The following RPL13A variants were observed in gnomAD, a reference collection of about 807,000 sequenced individuals.
The protein encoded by RPL13A is ribosomal protein L13a, also known as large ribosomal subunit protein uL13.
In RPL13A, 4 loss-of-function variants were observed where a neutral mutation model predicts 30.8. The ratio of observed to expected loss-of-function variants is 0.13; its 90% confidence interval spans 0.06 to 0.30. The LOEUF (loss-of-function observed/expected upper bound fraction) is 0.30, where lower values mean the gene tolerates loss of function less well. Among genes scored for constraint, RPL13A ranks in the 10% least tolerant of loss-of-function variants. The pLI, the probability that RPL13A is intolerant of heterozygous loss-of-function variation, is 1.00. For synonymous variants in RPL13A, 108 were observed against 104.2 expected (o/e 1.04, Z -0.22); for missense variants, 196 against 272.6 (o/e 0.72, Z 1.98).
chr19:49,492,139 G>GC lies in RPL13A; in HGVS notation c.*325dup. On this transcript the variant is annotated 3_prime_UTR_variant, in exon 8 of 8. Coordinates refer to ENST00000391857, the MANE Select transcript of RPL13A (RefSeq NM_012423.4). ...GACTTTCCACCTGGTCATATACTCT[G>GC]CAGCTGTTAGAATGTGCAAGCACTT... 3.4e-6 allele frequency: 1 copy of GC among 292,836 alleles called. No homozygotes were observed. The highest frequency in any genetic ancestry group is 4.0e-5 in the South Asian group (1 of 24,992). 18.1% of individuals were successfully genotyped at this position (292,836 alleles called of 1,614,324 possible).
At position 49,492,214 on chromosome 19, in the gene RPL13A, A is replaced by G; in HGVS notation, c.*399A>G. 5.7e-6 allele frequency: 1 copy of G among 176,132 alleles called. No individual in the cohort carries two copies. The highest frequency in any genetic ancestry group is 1.2e-5 in the Non-Finnish European group (1 of 81,646). The allele number at this position is 176,132 out of a possible 1,614,324, so 10.9% of individuals were successfully genotyped here. On this transcript the variant is annotated 3_prime_UTR_variant, in exon 8 of 8. Transcript: ENST00000391857. ...TACACAGGGTATTTCTAGAAGCAGA[A>G]ATAGACTGGGAAGATGCACAACCAA...
In RPL13A at chr19:49,490,581, G is replaced by A; in HGVS notation, c.256+5G>A. On this transcript the variant is annotated splice_donor_5th_base_variant and intron_variant, in intron 4 of 7. Transcript: ENST00000391857. ...TCTTCTGGCGGACCGTGCGAGGTGA[G>A]CAGAGCGTGGGGACTGCAGGTGGTG... 1.9e-6 allele frequency: 3 copies of A among 1,614,072 alleles called. No individual in the cohort carries two copies. The highest frequency in any genetic ancestry group is 2.5e-6 in the Non-Finnish European group (3 of 1,179,920).
Position 49,491,421 on chromosome 19 carries a change from G to GA in RPL13A, c.403-4_403-3insA. On this transcript the variant is annotated splice_polypyrimidine_tract_variant and splice_region_variant and intron_variant, in intron 6 of 7. Transcript: ENST00000391857. ...TTGTTCACCCCCCCCCCCCCCCCCC[G>GA]CAGTTTGCCTATCTGGGGCGCCTGG... The GA allele has an allele frequency of 5.5e-6, 1 of 183,104 alleles. No individual in the cohort carries two copies. Among genetic ancestry groups the GA allele is most frequent in the Non-Finnish European group, 8.0e-6 (1 of 124,350 alleles). The allele number at this position is 183,104 out of a possible 1,614,324, so 11.3% of individuals were successfully genotyped here.
At chr19:49,487,680 C>G in intron 1 of RPL13A, 36 bp downstream of exon 1, 1 of 1,503,714 alleles carries the variant, frequency 6.7e-7, no homozygotes, top group East Asian at 2.6e-5. Context: ...GGCAAGGGGC[C>G]GGGTGGGATC....
chr19:49,490,406 G>T, intron 3 of RPL13A, 69 bp from the exon 4 acceptor site: 1 of 1,592,386 alleles, frequency 6.3e-7, no homozygotes, highest in Non-Finnish European at 8.6e-7. Flanking sequence ...TTTCTGAGAA[G>T]GCCCTTGGAA....
rs1383784108 is a variant in RPL13A, at chr19:49,491,872, C to G, written c.*57C>G. 1.4e-6 allele frequency: 2 copies of G among 1,400,962 alleles called. No individual in the cohort carries two copies. The highest frequency in any genetic ancestry group is 9.9e-7 in the Non-Finnish European group (1 of 1,012,652). 86.8% of individuals were successfully genotyped at this position (1,400,962 alleles called of 1,614,324 possible). On this transcript the variant is annotated 3_prime_UTR_variant, in exon 8 of 8. Transcript: ENST00000391857. ...TGCCTGCCCTTCCTCCATTGTTGCC[C>G]TGGAATGTACGGGACCCAGGGGCAG...
rs189135180 is a variant in RPL13A, at chr19:49,490,442, C to G, written c.155-33C>G. 25 of 1,606,734 alleles carry G rather than the reference C, an allele frequency of 1.6e-5. No homozygotes were observed. In the East Asian group the frequency reaches 5.6e-4, roughly 36 times the overall value. On this transcript the variant is annotated intron_variant, in intron 3 of 7. Transcript: ENST00000391857. ...GTGGGGTTTTGGGGGTGCTGGTAGA[C>G]TGGGCAGGCCTCACACTCTCCCCTC...
chr19:49,491,390 C>CCG, intron 6 of RPL13A, 35 bp from the exon 7 acceptor site: 2 of 732,008 alleles, frequency 2.7e-6, no homozygotes, highest in East Asian at 3.3e-5. Context: ...ATCCTTACAA[C>CCG]TTCATTTGTT....
Position 49,490,144 on chromosome 19 carries a change from G to T in RPL13A, c.89-88G>T, listed in dbSNP as rs534864956. On this transcript the variant is annotated intron_variant, in intron 2 of 7. Coordinates refer to ENST00000391857, the MANE Select transcript of RPL13A (RefSeq NM_012423.4). ...TTAAACAGGAACTTAGCTCTGGCAA[G>T]TACTGCGCTGTGTCTGGAGGGTGAC... is the stretch of plus-strand genomic sequence containing the variant. 1.3e-5 allele frequency: 17 copies of T among 1,295,522 alleles called. No individual in the cohort carries two copies. The African/African-American group carries it at 1.9e-4, about 14-fold the overall frequency. The allele number at this position is 1,295,522 out of a possible 1,614,324, so 80.3% of individuals were successfully genotyped here. A position where few individuals can be genotyped will look rare whatever the true frequency, so the allele number is the denominator to read the frequency against.
intron 4 of RPL13A, 31 bp from the exon 5 acceptor site, chr19:49,490,748 C>CT: frequency 6.2e-7 from 1 of 1,613,032 alleles, no homozygotes; most frequent in Non-Finnish European, 8.5e-7. Context: ...ATGAGGCCCT[C>CT]TGACTGGGCC....
intron 6 of RPL13A, 66 bp from the exon 7 acceptor site, chr19:49,491,359 T>A: frequency 7.0e-7 from 1 of 1,423,320 alleles, no homozygotes; most frequent in South Asian, 1.1e-5. Context: ...CTCCGGCTCT[T>A]CAGGGTGTGG....
At chr19:49,490,650 G>A (rs775139567) in intron 4 of RPL13A, 74 bp downstream of exon 4, 5 of 1,579,254 alleles carry the variant, frequency 3.2e-6, no homozygotes, top group Middle Eastern at 1.7e-4. Flanking sequence ...ACTCACATTC[G>A]AGTTTCCCGA....
chr19:49,492,004 T>C lies in RPL13A; in HGVS notation c.*189T>C. Reference sequence around the variant, plus strand: ...TTGCTTGAAAGCACTCGGAGAATTGTGCAGGTGTCATTTATCTATGACCAA... The same window carrying C: ...TTGCTTGAAAGCACTCGGAGAATTGCGCAGGTGTCATTTATCTATGACCAA... On this transcript the variant is annotated 3_prime_UTR_variant, in exon 8 of 8. Coordinates refer to ENST00000391857, the MANE Select transcript of RPL13A (RefSeq NM_012423.4). 1 of 577,682 alleles carries C rather than the reference T, an allele frequency of 1.7e-6. No homozygotes were observed. The highest frequency in any genetic ancestry group is 3.1e-6 in the Non-Finnish European group (1 of 321,838). 35.8% of individuals were successfully genotyped at this position (577,682 alleles called of 1,614,324 possible).
intron 2 of RPL13A, 54 bp downstream of exon 2, chr19:49,489,976 T>C: frequency 7.4e-7 from 1 of 1,359,854 alleles, no homozygotes; most frequent in Non-Finnish European, 1.1e-6. Flanking sequence ...AGGTCAGTGA[T>C]GAGCAACATT....
chr19:49,490,763 A>C lies in RPL13A; in HGVS notation c.257-16A>C, dbSNP rs202055342. On this transcript the variant is annotated splice_polypyrimidine_tract_variant and intron_variant, in intron 4 of 7. Coordinates refer to ENST00000391857, the MANE Select transcript of RPL13A (RefSeq NM_012423.4). ...ATGAGGCCCTCTGACTGGGCCTGCTATCTGTCACCCAACAGGTATGCTGCC... is the reference window on the plus strand; with the variant it reads ...ATGAGGCCCTCTGACTGGGCCTGCTCTCTGTCACCCAACAGGTATGCTGCC... 3.1e-6 allele frequency: 5 copies of C among 1,612,958 alleles called. No homozygotes were observed. The South Asian group carries it at 4.4e-5, about 14-fold the overall frequency.
chr19:49,491,251 A>T, intron 6 of RPL13A, 152 bp downstream of exon 6: 1 of 1,186,032 alleles, frequency 8.4e-7, no homozygotes, highest in Non-Finnish European at 1.2e-6. Context: ...GGCTTAGCTG[A>T]TGCCAGGAGG....
In RPL13A at chr19:49,487,624, C is replaced by T; in HGVS notation, c.-6C>T. ...AACCTCCTCCTTTTCCAAGCGGCTG[C>T]CGAAGATGGCGGAGGTGCAGGTATG... On this transcript the variant is annotated 5_prime_UTR_variant, in exon 1 of 8. Coordinates refer to ENST00000391857, the MANE Select transcript of RPL13A (RefSeq NM_012423.4). 1 of 1,575,614 alleles carries T rather than the reference C, an allele frequency of 6.3e-7. No individual in the cohort carries two copies. The highest frequency in any genetic ancestry group is 8.6e-7 in the Non-Finnish European group (1 of 1,161,712).
At chr19:49,489,553 G>A (rs962779280) in intron 1 of RPL13A, among the ~76,000 whole-genome samples, 4 of 152,152 alleles carry the variant, frequency 2.6e-5, no homozygotes, top group Non-Finnish European at 4.4e-5. Context: ...GCTGGTCTTC[G>A]TTCAAATCCA....
In RPL13A at chr19:49,490,015, A is replaced by G. The variant is rs575112940; in HGVS notation, c.88+93A>G. On this transcript the variant is annotated intron_variant, in intron 2 of 7. Coordinates refer to ENST00000391857, the MANE Select transcript of RPL13A (RefSeq NM_012423.4). ...CATCTTTCGTTTGAGTCTCACGGCC[A>G]TGAGATCAACCCCATGCACCGCTCT... is the stretch of plus-strand genomic sequence containing the variant. 127 of 1,142,278 alleles carry G rather than the reference A, an allele frequency of 1.1e-4. No homozygotes were observed. The East Asian group carries it at 2.6e-3, about 24-fold the overall frequency. The allele number at this position is 1,142,278 out of a possible 1,614,324, so 70.8% of individuals were successfully genotyped here. A position where few individuals can be genotyped will look rare whatever the true frequency, so the allele number is the denominator to read the frequency against.
Sources: allele counts gnomAD v4.1 joint callset (sites outside exome capture counted in the v4.1 genomes callset), GRCh38; gene constraint gnomAD v4.1.1; transcripts MANE v1.5; gene names NCBI Gene and HGNC (gene_info 2026-07-23, HGNC 2026-07-21).